The following PLEKHG1 variants were observed in gnomAD, a reference collection of about 807,000 sequenced individuals.
PLEKHG1 encodes pleckstrin homology domain-containing family G member 1.
A neutral mutation model predicts 100.8 loss-of-function variants in PLEKHG1; 44 were observed. The ratio of observed to expected loss-of-function variants is 0.44; its 90% CI spans 0.34 to 0.56. The LOEUF is 0.56. Among genes scored for constraint, PLEKHG1 ranks in the 20% least tolerant of loss-of-function variants. PLEKHG1 has a pLI of 0.01. For synonymous variants in PLEKHG1, 640 were observed against 662.5 expected (o/e 0.97, Z 0.52); for missense variants, 1,545 against 1,720.9 (o/e 0.90, Z 1.81).
chr6:150,668,696 T>A lies in PLEKHG1; in HGVS notation c.-99+17910T>A, dbSNP rs543459538. ...AGGACTTTAAAACCGGAATGCTTTA[T>A]GTGTAATCACTGAAAATAAGTTGAT... On this transcript the variant is annotated intron_variant, in intron 3 of 3. Coordinates refer to the PLEKHG1 transcript ENST00000367326. Among the ~76,000 whole-genome samples the A allele has an allele frequency of 9.8e-5, 15 of 152,332 alleles. No individual in the cohort carries two copies. In the South Asian group the frequency reaches 3.1e-3, roughly 32 times the overall value.
In PLEKHG1 at chr6:150,697,299, A is replaced by G. The variant is rs111720093; in HGVS notation, c.-98-36285A>G. On this transcript the variant is annotated intron_variant, in intron 3 of 3. Coordinates refer to the PLEKHG1 transcript ENST00000367326. ...AAAGTTTCCACTGCTGAGTGCTACC[A>G]AAGAGCATGTCATGTTGTAGGCAAT... Among the ~76,000 whole-genome samples, 1,272 of 152,318 alleles carry G rather than the reference A, an allele frequency of 8.4e-3. 20 individuals carry two copies. Among genetic ancestry groups the G allele is most frequent in the African/African-American group, 0.029 (1,196 of 41,558 alleles).
At chr6:150,705,073 G>A (rs1780949490) in intron 3 of PLEKHG1, among the ~76,000 whole-genome samples, 1 of 152,114 alleles carries the variant, frequency 6.6e-6, no homozygotes, top group Non-Finnish European at 1.5e-5. Flanking sequence ...TATTTGGGCG[G>A]GGGGACAAAA....
rs377300748 is a variant in PLEKHG1 at position 150,803,957 on chromosome 6, C to T, written c.781-653C>T. Among the ~76,000 whole-genome samples, 9 of 151,436 alleles carry T rather than the reference C, an allele frequency of 5.9e-5. No individual in the cohort carries two copies. In the East Asian group the frequency reaches 1.4e-3, roughly 23 times the overall value. ...TCCAGAGCTATAAGAGCAATTTCCACGTCTGTTATAATAACTATAATATCG... is the reference window on the plus strand; with the variant it reads ...TCCAGAGCTATAAGAGCAATTTCCATGTCTGTTATAATAACTATAATATCG... On this transcript the variant is annotated intron_variant, in intron 6 of 15. Transcript: ENST00000358517.
At chr6:150,666,339 G>A (rs1291779868) in intron 3 of PLEKHG1, among the ~76,000 whole-genome samples, 1 of 152,178 alleles carries the variant, frequency 6.6e-6, no homozygotes, top group Non-Finnish European at 1.5e-5. Flanking sequence ...ATTACACTGA[G>A]TTCGCCACAG....
exon 16 of PLEKHG1, chr6:150,840,487 T>C (rs1259212136): frequency 6.2e-7 from 1 of 1,614,198 alleles, no homozygotes; most frequent in Non-Finnish European, 8.5e-7. Flanking sequence ...AAAGTTGTGG[T>C]GGTCAATAGA....
Position 150,768,659 on chromosome 6 carries a change from G to A in PLEKHG1, c.433G>A (p.Asp145Asn), listed in dbSNP as rs559034455. 120 of 1,611,294 alleles carry A rather than the reference G, an allele frequency of 7.4e-5. 3 individuals are homozygous for A. Among genetic ancestry groups the A allele is most frequent in the South Asian group, 6.6e-4 (60 of 90,994 alleles). ...ACAGGATTACCTTGACTGCATCAGG[G>A]ACCAAACAAAACTTCCCCTGGGGAC... The change falls in exon 3 of 16, where the codon GAC becomes AAC. Residue 145 changes from aspartate to asparagine, a missense_variant. Transcript: ENST00000358517.
chr6:150,819,193 T>C (rs1377263015), intron 11 of PLEKHG1, among the ~76,000 whole-genome samples: 1 of 149,860 alleles, frequency 6.7e-6, no homozygotes, highest in Non-Finnish European at 1.5e-5. Context: ...GAAGTCCCAA[T>C]GTAAACAAAA....
chr6:150,779,349 T>TTTTTTTTTTTTTG (rs749248671), intron 3 of PLEKHG1, among the ~76,000 whole-genome samples: 5,147 of 144,818 alleles, frequency 0.036, 241 homozygotes, highest in African/African-American at 0.085. Flanking sequence ...AAGAAGTTTT[T>TTTTTTTTTTTTTG]TTTTTTTTTT....
At chr6:150,780,126 C>A (rs1247573077) in intron 3 of PLEKHG1, among the ~76,000 whole-genome samples, 5 of 145,478 alleles carry the variant, frequency 3.4e-5, no homozygotes, top group African/African-American at 1.3e-4. Flanking sequence ...CTATTATTTT[C>A]CTTTTCTTTA....
intron 3 of PLEKHG1, chr6:150,686,672 A>G (rs1235770313): frequency 6.6e-6 from 1 of 152,062 alleles, no homozygotes; most frequent in Non-Finnish European, 1.5e-5. Flanking sequence ...TCACCTCCCA[A>G]GCTTTCTTTC....
intron 1 of PLEKHG1, among the ~76,000 whole-genome samples, chr6:150,635,340 T>C (rs780700174): frequency 7.9e-5 from 12 of 152,216 alleles, no homozygotes; most frequent in Non-Finnish European, 1.3e-4. Flanking sequence ...AATGGGAATC[T>C]TAATAGTCTT....
intron 1 of PLEKHG1, among the ~76,000 whole-genome samples, chr6:150,731,385 C>T (rs1241570121): frequency 6.6e-6 from 1 of 152,178 alleles, no homozygotes; most frequent in Admixed American, 6.5e-5. Flanking sequence ...CTTACCACTC[C>T]TTCTTGACTC....
Position 150,742,729 on chromosome 6 carries a change from T to G in PLEKHG1, c.411+8637T>G, listed in dbSNP as rs113999463. Reference sequence around the variant, plus strand: ...CGGGGAATTACATTTCAATATGAGGTTTGGGCGGGGACACAGATCCAAACT... The same window carrying G: ...CGGGGAATTACATTTCAATATGAGGGTTGGGCGGGGACACAGATCCAAACT... On this transcript the variant is annotated intron_variant, in intron 2 of 15. Coordinates refer to ENST00000358517, the Ensembl canonical transcript of PLEKHG1. 8.4e-3 allele frequency among the ~76,000 whole-genome samples: 1,272 copies of G among 152,130 alleles called. 21 individuals are homozygous for G. Among genetic ancestry groups the G allele is most frequent in the African/African-American group, 0.029 (1,216 of 41,496 alleles).
chr6:150,760,562 A>T (rs921994888), intron 2 of PLEKHG1, among the ~76,000 whole-genome samples: 1 of 152,052 alleles, frequency 6.6e-6, no homozygotes, highest in African/African-American at 2.4e-5. Context: ...TGAAGACTTT[A>T]AAATACATAG....
chr6:150,829,848 T>G (rs1776811116), intron 14 of PLEKHG1, among the ~76,000 whole-genome samples: 1 of 152,032 alleles, frequency 6.6e-6, no homozygotes, highest in Admixed American at 6.6e-5. Flanking sequence ...GAGAAATCCT[T>G]GGAGTGTGTG....
chr6:150,720,077 TTCTA>T (rs1439901837), upstream of PLEKHG1, among the ~76,000 whole-genome samples: 1 of 152,232 alleles, frequency 6.6e-6, no homozygotes, highest in Non-Finnish European at 1.5e-5. Context: ...TAAATGGAAC[TTCTA>T]TTTAAAGGGT....
At chr6:150,747,813 T>C (rs920691261) in intron 2 of PLEKHG1, among the ~76,000 whole-genome samples, 1 of 151,976 alleles carries the variant, frequency 6.6e-6, no homozygotes, top group African/African-American at 2.4e-5. Context: ...GGAGAATCGC[T>C]TGAACTCAGG....
Position 150,831,140 on chromosome 6 carries a change from G to A in PLEKHG1, c.2029G>A (p.Glu677Lys), listed in dbSNP as rs200098876. 89 of 1,613,918 alleles carry A rather than the reference G, an allele frequency of 5.5e-5. No individual in the cohort carries two copies. In the Admixed American group the frequency reaches 6.0e-4, roughly 11 times the overall value. Residue 677 changes from glutamate to lysine, a missense_variant, in exon 15 of 16, where the codon GAA (glutamate) becomes AAA (lysine). By Grantham distance (56) the Glu-to-Lys change is moderately conservative. Coordinates refer to ENST00000358517, the Ensembl canonical transcript of PLEKHG1. This position sits in a 1 kb window ranked among gnomAD's most constrained non-coding sequence, Gnocchi z 4.1. ...CTTAAAACTAATGGTTGCTAAGCGG[G>A]AAGAAGCTGAATCCACTCCCTCTAA...
intron 3 of PLEKHG1, among the ~76,000 whole-genome samples, chr6:150,656,375 T>C (rs1465404385): frequency 6.6e-6 from 1 of 152,192 alleles, no homozygotes; most frequent in East Asian, 1.9e-4. Context: ...ATTAGGAGCC[T>C]CTTGGACAGT....
Sources: gnomAD v4.1 joint callset for allele counts (sites outside exome capture counted in the v4.1 genomes callset) on GRCh38, gnomAD v4.1.1 for gene constraint, Gnocchi (gnomAD v3.1) non-coding constraint, MANE v1.5 for transcripts, NCBI Gene and HGNC (gene_info 2026-07-23, HGNC 2026-07-21) for gene names.